The following ERCC6L2 variants were observed in gnomAD, a reference collection of about 807,000 sequenced individuals.
ERCC6L2 encodes DNA excision repair protein ERCC-6-like 2.
ERCC6L2 carries 77 observed loss-of-function variants against 132.0 expected under a neutral mutation model. That is an observed-to-expected ratio of 0.58 (90% CI 0.49 to 0.71). The LOEUF (loss-of-function observed/expected upper bound fraction) is 0.71, where lower values mean the gene tolerates loss of function less well. ERCC6L2 is among the 30% of genes least tolerant of loss of function. The pLI is 0.00. For synonymous variants in ERCC6L2, 583 were observed against 632.4 expected (o/e 0.92, Z 1.17); for missense variants, 1,542 against 1,837.6 (o/e 0.84, Z 2.94).
intron 17 of ERCC6L2, among the ~76,000 whole-genome samples, chr9:95,986,492 C>G (rs548031428): frequency 1.4e-5 from 2 of 139,716 alleles, no homozygotes; most frequent in Non-Finnish European, 3.0e-5. Context: ...TCATATATCT[C>G]TCTCCTTTTT....
At chr9:95,953,821 A>G (rs1370224832) in intron 12 of ERCC6L2, among the ~76,000 whole-genome samples, 1 of 152,172 alleles carries the variant, frequency 6.6e-6, no homozygotes, top group Non-Finnish European at 1.5e-5. Flanking sequence ...ACTTTTGAAA[A>G]GTCTAATCTG....
chr9:95,914,763 C>A (rs1373788460), intron 4 of ERCC6L2, among the ~76,000 whole-genome samples: 1 of 152,164 alleles, frequency 6.6e-6, no homozygotes, highest in East Asian at 1.9e-4. Context: ...ATTGGAAGAG[C>A]AAAAGTTTTT....
intron 17 of ERCC6L2, 22 bp from the exon 18 acceptor site, chr9:96,004,498 T>C (rs1833795248): frequency 7.8e-7 from 1 of 1,279,298 alleles, no homozygotes; most frequent in Admixed American, 2.5e-5. Flanking sequence ...GACATAGCTT[T>C]TGTTTCCTTT....
intron 11 of ERCC6L2, among the ~76,000 whole-genome samples, chr9:95,934,163 A>G (rs1248385098): frequency 6.6e-6 from 1 of 152,160 alleles, no homozygotes; most frequent in African/African-American, 2.4e-5. Context: ...AAAGAAAATC[A>G]TTGTGTTCTT....
intron 15 of ERCC6L2, 75 bp from the exon 16 acceptor site, chr9:95,971,858 A>C: frequency 1.0e-6 from 1 of 992,112 alleles, no homozygotes; most frequent in African/African-American, 1.7e-5. Flanking sequence ...ACCTGCCCAA[A>C]GTTGAGTACT....
intron 11 of ERCC6L2, among the ~76,000 whole-genome samples, chr9:95,930,384 CTG>C (rs1830284398): frequency 6.6e-6 from 1 of 152,038 alleles, no homozygotes; most frequent in South Asian, 2.1e-4. Context: ...CATTCTTCAG[CTG>C]TGTTTTGCAA....
chr9:95,972,238 A>G lies in ERCC6L2; in HGVS notation c.2487A>G (p.Thr829=). The G allele has an allele frequency of 7.7e-7, 1 of 1,304,242 alleles. No homozygotes were observed. Among genetic ancestry groups the G allele is most frequent in the Non-Finnish European group, 1.0e-6 (1 of 988,932 alleles). The allele number at this position is 1,304,242 out of a possible 1,614,324, so 80.8% of individuals were successfully genotyped here. A position where few individuals can be genotyped will look rare whatever the true frequency, so the allele number is the denominator to read the frequency against. ...SSDEQPTCLS[T]EAKDAGCEKN... ...ATGAGCAGCCCACATGCCTTTCAAC[A>G]GAAGCCAAAGATGCTGGTTGTGAGA... is the stretch of plus-strand genomic sequence containing the variant. The change falls in exon 16 of 19, where the codon ACA becomes ACG. Residue 829 remains threonine, a synonymous_variant. Transcript: ENST00000653738.
At chr9:95,985,741 G>A (rs894992531) in intron 17 of ERCC6L2, among the ~76,000 whole-genome samples, 1 of 152,070 alleles carries the variant, frequency 6.6e-6, no homozygotes, top group Non-Finnish European at 1.5e-5. Flanking sequence ...GGGCCCTAGT[G>A]TGCTTTTCTA....
intron 17 of ERCC6L2, among the ~76,000 whole-genome samples, chr9:95,980,410 A>G (rs1015190881): frequency 6.6e-6 from 1 of 152,206 alleles, no homozygotes; most frequent in African/African-American, 2.4e-5. Flanking sequence ...TAAAGCCACT[A>G]AATGGGAGGT....
chr9:96,006,898 T>G lies in ERCC6L2; in HGVS notation c.3674+2197T>G, dbSNP rs553751257. On this transcript the variant is annotated intron_variant, in intron 18 of 18. Transcript: ENST00000653738. ...ATGGGACCAGAATTTCTGGGTGGTGTTAAGTTCCCATTTGAGAATAATTTC... is the reference window on the plus strand; with the variant it reads ...ATGGGACCAGAATTTCTGGGTGGTGGTAAGTTCCCATTTGAGAATAATTTC... Among the ~76,000 whole-genome samples, 37 of 152,270 alleles carry G rather than the reference T, an allele frequency of 2.4e-4. No individual in the cohort carries two copies. The East Asian group carries it at 6.0e-3, about 25-fold the overall frequency.
At chr9:95,914,173 A>C (rs1051396639) in intron 4 of ERCC6L2, among the ~76,000 whole-genome samples, 1 of 152,148 alleles carries the variant, frequency 6.6e-6, no homozygotes, top group Non-Finnish European at 1.5e-5. Context: ...CATTTTTATC[A>C]TAGCCATTCT....
chr9:95,974,441 A>G (rs1053297703), intron 16 of ERCC6L2, among the ~76,000 whole-genome samples: 2 of 152,180 alleles, frequency 1.3e-5, no homozygotes, highest in Non-Finnish European at 2.9e-5. Flanking sequence ...CCATTGTCCT[A>G]TCTGTGGATA....
chr9:95,893,520 A>G (rs912046075), intron 2 of ERCC6L2, among the ~76,000 whole-genome samples: 1 of 152,208 alleles, frequency 6.6e-6, no homozygotes, highest in African/African-American at 2.4e-5. Flanking sequence ...GGTCTGTTAC[A>G]GATTGGCATT....
chr9:96,013,258 T>C lies in ERCC6L2; in HGVS notation c.*55T>C. ...CTGCTGCCATCACTGTTTACGGCAC[T>C]GGATTCCACACTGATTCTATTATCT... On this transcript the variant is annotated 3_prime_UTR_variant, in exon 19 of 19. Coordinates refer to ENST00000653738, the MANE Select transcript of ERCC6L2 (RefSeq NM_020207.7). 8.0e-7 allele frequency: 1 copy of C among 1,252,952 alleles called. No homozygotes were observed. Among genetic ancestry groups the C allele is most frequent in the Non-Finnish European group, 1.0e-6 (1 of 954,548 alleles). The allele number at this position is 1,252,952 out of a possible 1,614,324, so 77.6% of individuals were successfully genotyped here.
intron 6 of ERCC6L2, among the ~76,000 whole-genome samples, chr9:95,916,743 C>T (rs753924492): frequency 2.0e-5 from 3 of 148,150 alleles, no homozygotes; most frequent in Non-Finnish European, 3.0e-5. Flanking sequence ...AGTGCAGTGG[C>T]GCGATCTTGG....
chr9:95,999,087 G>A (rs1217373044), intron 17 of ERCC6L2, among the ~76,000 whole-genome samples: 4 of 152,212 alleles, frequency 2.6e-5, no homozygotes, highest in Non-Finnish European at 5.9e-5. Flanking sequence ...CTGGCCGGGC[G>A]TGGTGGCTCA....
chr9:95,930,546 A>G (rs1011550282), intron 11 of ERCC6L2, among the ~76,000 whole-genome samples: 1 of 152,198 alleles, frequency 6.6e-6, no homozygotes, highest in Non-Finnish European at 1.5e-5. Context: ...TCAACTTTAC[A>G]TAAGTTGGAA....
At chr9:96,005,753 TGAA>T (rs1564299602) in intron 18 of ERCC6L2, among the ~76,000 whole-genome samples, 1 of 152,042 alleles carries the variant, frequency 6.6e-6, no homozygotes, top group Non-Finnish European at 1.5e-5. Flanking sequence ...GGAAAACTGT[TGAA>T]GAATGGCACG....
intron 2 of ERCC6L2, among the ~76,000 whole-genome samples, chr9:95,884,852 A>T (rs1366958391): frequency 6.6e-6 from 1 of 152,210 alleles, no homozygotes; most frequent in Non-Finnish European, 1.5e-5. Context: ...AAAGTGACCT[A>T]GTAGTAGGTG....
Sources: gnomAD v4.1 joint callset for allele counts (sites outside exome capture counted in the v4.1 genomes callset) on GRCh38, gnomAD v4.1.1 for gene constraint, MANE v1.5 for transcripts, NCBI Gene and HGNC (gene_info 2026-07-23, HGNC 2026-07-21) for gene names.